DAB1: variants seen among roughly 807,000 people sequenced by gnomAD.
DAB1 encodes the protein disabled homolog 1.
In DAB1, 15 loss-of-function variants were observed where a neutral mutation model predicts 64.6. The observed-to-expected ratio is 0.23, with a 90% confidence interval of 0.16 to 0.36. The LOEUF (loss-of-function observed/expected upper bound fraction) is 0.36, where lower values mean the gene tolerates loss of function less well. DAB1 is among the 10% of genes least tolerant of loss of function. The probability of loss-of-function intolerance (pLI) is 1.00; values close to 1 mark genes in which losing one functional copy is unlikely to be tolerated. For missense variants in DAB1, 596 were observed against 706.7 expected (o/e 0.84, Z 1.78); for synonymous variants, 235 against 251.9 (o/e 0.93, Z 0.64).
chr1:57,650,383 A>G (rs1646242194), intron 6 of DAB1, among the ~76,000 whole-genome samples: 2 of 152,176 alleles, frequency 1.3e-5, no homozygotes, highest in South Asian at 4.1e-4. Context: ...TGAGGAAACA[A>G]TTATGAATGC....
chr1:57,883,760 G>C (rs570700348), intron 1 of DAB1, among the ~76,000 whole-genome samples: 1 of 152,164 alleles, frequency 6.6e-6, no homozygotes, highest in African/African-American at 2.4e-5. Flanking sequence ...CACACAGGAG[G>C]GGGACAAAGG....
intron 5 of DAB1, among the ~76,000 whole-genome samples, chr1:57,902,289 A>G (rs943073603): frequency 7.2e-5 from 11 of 151,770 alleles, no homozygotes; most frequent in African/African-American, 2.7e-4. Context: ...CTTTTTCTCT[A>G]TATACCTTTT....
chr1:57,494,610 C>T (rs1453271147), intron 7 of DAB1, among the ~76,000 whole-genome samples: 1 of 152,178 alleles, frequency 6.6e-6, no homozygotes, highest in Non-Finnish European at 1.5e-5. Flanking sequence ...GAGGTAAACA[C>T]AGCTTGTATA....
chr1:57,902,937 G>T (rs1196980197), intron 5 of DAB1, among the ~76,000 whole-genome samples: 1 of 152,164 alleles, frequency 6.6e-6, no homozygotes, highest in African/African-American at 2.4e-5. Context: ...AAGGAAAGAG[G>T]TTTAATGGAC....
At chr1:58,428,971 A>G (rs1644845383) in intron 3 of DAB1, among the ~76,000 whole-genome samples, 1 of 152,258 alleles carries the variant, frequency 6.6e-6, no homozygotes, top group African/African-American at 2.4e-5. Context: ...CTGGAGTAAC[A>G]GAAACGTTCA....
At chr1:57,680,344 C>A (rs550638342) in intron 6 of DAB1, among the ~76,000 whole-genome samples, 17 of 152,316 alleles carry the variant, frequency 1.1e-4, no homozygotes, top group African/African-American at 4.1e-4. Flanking sequence ...TAAAACAACA[C>A]AAATTTTATA....
chr1:58,207,893 G>A (rs938534356), intron 4 of DAB1, among the ~76,000 whole-genome samples: 1 of 152,186 alleles, frequency 6.6e-6, no homozygotes, highest in African/African-American at 2.4e-5. Context: ...ACATACCTGA[G>A]ACTGAGGAAT....
At chr1:58,539,063 T>C (rs776778354) in intron 1 of DAB1, 1 of 872,968 alleles carries the variant, frequency 1.1e-6, no homozygotes, top group South Asian at 1.3e-5. Context: ...CCTCCTGTTC[T>C]TTTGTTGTTA....
Position 57,995,212 on chromosome 1 carries a change from T to C in DAB1, n.388-111050A>G, listed in dbSNP as rs550850246. On this transcript the variant is annotated intron_variant and non_coding_transcript_variant, in intron 5 of 20. Coordinates refer to the DAB1 transcript ENST00000485760. ...GTTTTTAAATGCAGGAACCTCCTAA[T>C]ATCAGGTGAGGGTTACACATGAAAA... Among the ~76,000 whole-genome samples, 7 of 152,280 alleles carry C rather than the reference T, an allele frequency of 4.6e-5. No individual in the cohort carries two copies. The South Asian group carries it at 1.5e-3, about 32-fold the overall frequency.
At chr1:58,061,971 T>A (rs1648529160) in intron 5 of DAB1, among the ~76,000 whole-genome samples, 1 of 152,158 alleles carries the variant, frequency 6.6e-6, no homozygotes, top group Non-Finnish European at 1.5e-5. Context: ...TAGTAGGAAT[T>A]TAAAGGTCAT....
At chr1:57,375,130 C>T (rs1680795924) in intron 1 of DAB1, among the ~76,000 whole-genome samples, 1 of 152,188 alleles carries the variant, frequency 6.6e-6, no homozygotes, top group Non-Finnish European at 1.5e-5. Context: ...GAACTCCCAT[C>T]ACCCTAGGAT....
chr1:57,075,946 G>A (rs3729546), intron 4 of DAB1, among the ~76,000 whole-genome samples: 31,215 of 152,106 alleles, frequency 0.21, 3,744 homozygotes, highest in East Asian at 0.48. Flanking sequence ...TAAGGGGAGA[G>A]AACTGAGAAT....
In DAB1 at chr1:57,501,448, A is replaced by T. The variant is rs555900388; in HGVS notation, n.625+148144T>A. ...ACCCACCTAAACACCCAATAGAGGCACTAGAAATAATAGATAAGTGTTTTA... is the reference window on the plus strand; with the variant it reads ...ACCCACCTAAACACCCAATAGAGGCTCTAGAAATAATAGATAAGTGTTTTA... On this transcript the variant is annotated intron_variant and non_coding_transcript_variant, in intron 7 of 20. Coordinates refer to the DAB1 transcript ENST00000485760. Among the ~76,000 whole-genome samples, 6 of 152,308 alleles carry T rather than the reference A, an allele frequency of 3.9e-5. No homozygotes were observed. In the South Asian group the frequency reaches 1.2e-3, roughly 32 times the overall value.
At chr1:57,628,668 G>A (rs1445839074) in intron 7 of DAB1, among the ~76,000 whole-genome samples, 1 of 152,136 alleles carries the variant, frequency 6.6e-6, no homozygotes, top group Non-Finnish European at 1.5e-5. Context: ...CTTTGTACCA[G>A]TCATTCAAAA....
At chr1:57,323,520 G>T (rs1675898128) in intron 1 of DAB1, among the ~76,000 whole-genome samples, 1 of 152,016 alleles carries the variant, frequency 6.6e-6, no homozygotes, top group Non-Finnish European at 1.5e-5. Context: ...ATCACTTTTG[G>T]CCTGGAATTT....
intron 6 of DAB1, among the ~76,000 whole-genome samples, chr1:57,801,885 TG>T (rs1250020602): frequency 6.6e-6 from 1 of 152,168 alleles, no homozygotes; most frequent in Non-Finnish European, 1.5e-5. Context: ...CTCAAACTCC[TG>T]ATCTCAAGCA....
At chr1:58,491,852 T>A (rs1418031035) in intron 3 of DAB1, among the ~76,000 whole-genome samples, 4 of 152,120 alleles carry the variant, frequency 2.6e-5, no homozygotes, top group Non-Finnish European at 1.5e-5. Flanking sequence ...ATTAGACAGA[T>A]CAATGAGACA....
intron 1 of DAB1, among the ~76,000 whole-genome samples, chr1:57,348,088 A>G (rs1194158533): frequency 6.6e-6 from 1 of 152,240 alleles, no homozygotes; most frequent in African/African-American, 2.4e-5. Flanking sequence ...TGAGCAGCAC[A>G]GGAATATAAA....
intron 3 of DAB1, among the ~76,000 whole-genome samples, chr1:58,411,371 T>C (rs749584181): frequency 2.0e-5 from 3 of 152,108 alleles, no homozygotes; most frequent in Admixed American, 6.5e-5. Context: ...ATATGGAAAA[T>C]AGAACTAATA....
Sources: allele counts gnomAD v4.1 joint callset (sites outside exome capture counted in the v4.1 genomes callset), GRCh38; gene constraint gnomAD v4.1.1; transcripts MANE v1.5; gene names NCBI Gene and HGNC (gene_info 2026-07-23, HGNC 2026-07-21).